Variants in CDK8 observed in about 807,000 individuals in gnomAD.
CDK8 encodes cyclin-dependent kinase 8.
CDK8 carries 29 observed loss-of-function variants against 71.5 expected under a neutral mutation model. The observed-to-expected ratio is 0.41, with a 90% confidence interval of 0.30 to 0.55. CDK8 has a LOEUF of 0.55. CDK8 is among the 20% of genes least tolerant of loss of function. The pLI, the probability that CDK8 is intolerant of heterozygous loss-of-function variation, is 0.37. For missense variants in CDK8, 288 were observed against 572.6 expected, an observed-to-expected ratio of 0.50 and a Z score of 5.07; for synonymous variants, 161 against 192.1, an observed-to-expected ratio of 0.84 and a Z score of 1.34.
At position 26,400,486 on chromosome 13, in the gene CDK8, C is replaced by T. The variant is rs1876204313; in HGVS notation, c.967C>T (p.Arg323Ter). 6 of 1,613,038 alleles carry T rather than the reference C, an allele frequency of 3.7e-6. No individual in the cohort carries two copies. Among genetic ancestry groups the T allele is most frequent in the African/African-American group, 1.3e-5 (1 of 74,976 alleles). ...QKLLTMDPIK[R>*]ITSEQAMQDP... Reference sequence around the variant, plus strand: ...GCTGCTTACCATGGACCCAATAAAGCGAATTACCTCAGAACAGGCTATGCA... The same window carrying T: ...GCTGCTTACCATGGACCCAATAAAGTGAATTACCTCAGAACAGGCTATGCA... Residue 323 changes from arginine (R) to a stop codon, truncating the protein, a stop_gained, in exon 10 of 13, where the codon CGA becomes TGA. Coordinates refer to ENST00000381527, the MANE Select transcript of CDK8 (RefSeq NM_001260.3). LOFTEE classifies it high-confidence loss of function.
chr13:26,288,684 A>G (rs987238230), intron 1 of CDK8, among the ~76,000 whole-genome samples: 2 of 152,084 alleles, frequency 1.3e-5, no homozygotes, highest in African/African-American at 2.4e-5. Context: ...CATCTTTCCA[A>G]TACTGAAACC....
At chr13:26,378,842 G>C (rs115837193) in intron 4 of CDK8, among the ~76,000 whole-genome samples, 1 of 152,182 alleles carries the variant, frequency 6.6e-6, no homozygotes, top group South Asian at 2.1e-4. Context: ...GATAGACGAG[G>C]AAGAAAAGGA....
At position 26,375,408 on chromosome 13, in the gene CDK8, G is replaced by A. The variant is rs17083959; in HGVS notation, c.457-7406G>A. ...GCTTCACTGCCTGCTCACTGTCCAG[G>A]CTTGCCAAAAGATAGCCTATCACTC... On this transcript the variant is annotated intron_variant, in intron 4 of 12. Transcript: ENST00000381527. Among the ~76,000 whole-genome samples the A allele has an allele frequency of 4.7e-3, 709 of 152,288 alleles. 8 individuals carry two copies. Among genetic ancestry groups the A allele is most frequent in the African/African-American group, 0.016 (683 of 41,556 alleles).
chr13:26,309,301 A>G (rs1282374960), intron 1 of CDK8, among the ~76,000 whole-genome samples: 1 of 151,878 alleles, frequency 6.6e-6, no homozygotes, highest in African/African-American at 2.4e-5. Flanking sequence ...CACCATGCCC[A>G]GCTAATTTTT....
intron 1 of CDK8, among the ~76,000 whole-genome samples, chr13:26,323,682 G>A (rs1176661697): frequency 6.6e-6 from 1 of 152,004 alleles, no homozygotes; most frequent in Admixed American, 6.6e-5. Flanking sequence ...AGTTTTGAGT[G>A]TGGTTTTAAA....
At position 26,254,651 on chromosome 13, in the gene CDK8, G is replaced by A; in HGVS notation, c.10G>A (p.Asp4Asn). ...CTCAGAGGCTGTGACAATGGACTAT[G>A]ACTTTAAAGTGAAGCTGAGCAGCGA... The part of the protein sequence containing the change: MDY[D>N]FKVKLSSERE... The change falls in exon 1 of 13, where the codon GAC becomes AAC. Residue 4 changes from aspartate (D) to asparagine (N), a missense_variant. Asp to Asn is a conservative substitution (Grantham distance 23, BLOSUM62 1). This residue lies in a region of CDK8 where 19 missense variants were observed against 24.4 expected (regional missense o/e 0.78). Transcript: ENST00000381527. The surrounding 1 kb of genome is among the most constrained non-coding windows in gnomAD (Gnocchi z 6.7). 6.2e-7 allele frequency: 1 copy of A among 1,607,832 alleles called. No individual in the cohort carries two copies. The highest frequency in any genetic ancestry group is 1.1e-5 in the South Asian group (1 of 90,134).
At chr13:26,263,199 G>T (rs1393474753) in intron 1 of CDK8, among the ~76,000 whole-genome samples, 1 of 151,988 alleles carries the variant, frequency 6.6e-6, no homozygotes, top group Non-Finnish European at 1.5e-5. Context: ...GCAATGGCGC[G>T]ATCTCCGCTC....
At chr13:26,359,536 C>T in intron 4 of CDK8, 1 of 171,682 alleles carries the variant, frequency 5.8e-6, no homozygotes, top group South Asian at 1.1e-4. Context: ...TGTAGAAGCC[C>T]AGTTTTGATT....
Position 26,310,375 on chromosome 13 carries a change from A to G in CDK8, c.129-27192A>G, listed in dbSNP as rs372904921. On this transcript the variant is annotated intron_variant, in intron 1 of 12. Coordinates refer to ENST00000381527, the MANE Select transcript of CDK8 (RefSeq NM_001260.3). ...CCAGGGACTGGTTTTGTGGAAAACAATTTTTCCATGGACCAATGGGGGCGA... is the reference window on the plus strand; with the variant it reads ...CCAGGGACTGGTTTTGTGGAAAACAGTTTTTCCATGGACCAATGGGGGCGA... Among the ~76,000 whole-genome samples, 25 of 152,164 alleles carry G rather than the reference A, an allele frequency of 1.6e-4. No homozygotes were observed. The East Asian group carries it at 3.3e-3, about 20-fold the overall frequency.
At chr13:26,290,302 A>T (rs1873234869) in intron 1 of CDK8, among the ~76,000 whole-genome samples, 1 of 152,202 alleles carries the variant, frequency 6.6e-6, no homozygotes, top group Non-Finnish European at 1.5e-5. Context: ...TCTTTCATTT[A>T]TTATTAATTT....
chr13:26,365,413 TAAA>T (rs1277530475), intron 4 of CDK8, among the ~76,000 whole-genome samples: 1 of 152,100 alleles, frequency 6.6e-6, no homozygotes, highest in East Asian at 1.9e-4. Flanking sequence ...TATTTATCAA[TAAA>T]AAAGTGGCCC....
At chr13:26,300,766 T>A (rs1235469653) in intron 1 of CDK8, among the ~76,000 whole-genome samples, 1 of 152,230 alleles carries the variant, frequency 6.6e-6, no homozygotes, top group Non-Finnish European at 1.5e-5. Flanking sequence ...ACTGTCCAGA[T>A]ATATTATTGA....
intron 1 of CDK8, among the ~76,000 whole-genome samples, chr13:26,325,029 A>G (rs890168434): frequency 6.6e-6 from 1 of 152,172 alleles, no homozygotes. Flanking sequence ...GAGGAGAGGT[A>G]TTCATTGCTA....
intron 1 of CDK8, among the ~76,000 whole-genome samples, chr13:26,333,012 C>T (rs953340763): frequency 8.5e-5 from 13 of 152,130 alleles, no homozygotes; most frequent in African/African-American, 2.7e-4. Flanking sequence ...TGTGACAGGC[C>T]GTAGTCACAT....
In CDK8 at chr13:26,385,198, T is replaced by A. The variant is rs748585669; in HGVS notation, c.515-13T>A. On this transcript the variant is annotated splice_polypyrimidine_tract_variant and intron_variant, in intron 5 of 12. Transcript: ENST00000381527. The stretch of plus-strand genomic sequence containing the variant: ...CATTTACTTAGCATGATTTTTTTTT[T>A]ATTATTTTACAGCTGACATGGGCTT... 3.8e-6 allele frequency: 6 copies of A among 1,581,678 alleles called. 1 individual carries two copies. The African/African-American group carries it at 4.1e-5, about 11-fold the overall frequency.
chr13:26,372,268 T>C (rs979693353), intron 4 of CDK8, among the ~76,000 whole-genome samples: 23 of 152,334 alleles, frequency 1.5e-4, no homozygotes, highest in Non-Finnish European at 1.0e-4. Flanking sequence ...GAGTGAAATA[T>C]ATACATTCAT....
intron 1 of CDK8, among the ~76,000 whole-genome samples, chr13:26,293,899 A>G (rs899439066): frequency 2.0e-5 from 3 of 151,976 alleles, no homozygotes; most frequent in Non-Finnish European, 4.4e-5. Context: ...AATTTGGTAT[A>G]CTTTTGCAAA....
At chr13:26,317,454 A>G (rs1034318322) in intron 1 of CDK8, among the ~76,000 whole-genome samples, 1 of 152,236 alleles carries the variant, frequency 6.6e-6, no homozygotes, top group Non-Finnish European at 1.5e-5. Flanking sequence ...TCTAAAAGAT[A>G]TATTTAAGAA....
rs143903260 is a variant in CDK8, at chr13:26,379,461, T to TAA, written c.457-3352_457-3351dup. 6.9e-3 allele frequency among the ~76,000 whole-genome samples: 1,053 copies of TAA among 152,286 alleles called. 8 individuals carry two copies. Among genetic ancestry groups the TAA allele is most frequent in the Middle Eastern group, 0.024 (7 of 292 alleles). ...TAGATTTAGAACTCGACCAGTTCAG[T>TAA]AAGTCTAGAATAAAAGAAACCTGAA... On this transcript the variant is annotated intron_variant, in intron 4 of 12. Transcript: ENST00000381527.
Sources: allele counts gnomAD v4.1 joint callset (sites outside exome capture counted in the v4.1 genomes callset), GRCh38; gene constraint gnomAD v4.1.1; regional missense constraint gnomAD v4.1.1; non-coding constraint Gnocchi (gnomAD v3.1); transcripts MANE v1.5; gene names NCBI Gene and HGNC (gene_info 2026-07-23, HGNC 2026-07-21).